The following FBXW4 variants were observed in gnomAD, a reference collection of about 807,000 sequenced individuals.
FBXW4 encodes the protein F-box and WD repeat domain containing 4.
A neutral mutation model predicts 61.8 loss-of-function variants in FBXW4; 40 were observed. That is an observed-to-expected ratio of 0.65 (90% CI 0.50 to 0.84). The LOEUF (loss-of-function observed/expected upper bound fraction) is 0.84. Ranked by LOEUF, FBXW4 falls within the 40% of genes least tolerant of loss-of-function variation. The pLI is 0.00. For synonymous variants in FBXW4, 311 were observed against 313.8 expected, an observed-to-expected ratio of 0.99 and a Z score of 0.10; for missense variants, 672 against 753.8, an observed-to-expected ratio of 0.89 and a Z score of 1.27.
rs2063780914 is a variant in FBXW4 at position 101,611,325 on chromosome 10, T to TAAGA, written c.1666_1669dup (p.Tyr557PhefsTer94). 5 of 1,613,940 alleles carry TAAGA rather than the reference T, an allele frequency of 3.1e-6. No individual in the cohort carries two copies. Among genetic ancestry groups the TAAGA allele is most frequent in the Non-Finnish European group, 4.2e-6 (5 of 1,180,008 alleles). ...TTGAAAATCCAGGACGTGGAGGTTG[T>TAAGA]AAGACAGGGCAGCATAGAGATGCTT... On this transcript the variant is annotated frameshift_variant, in exon 9 of 9. Transcript: ENST00000331272. LOFTEE classifies it high-confidence loss of function. This position sits in a 1 kb window ranked among gnomAD's most constrained non-coding sequence, Gnocchi z 4.9.
At chr10:101,677,593 T>C (rs182916740) in intron 1 of FBXW4, among the ~76,000 whole-genome samples, 145 of 152,172 alleles carry the variant, frequency 9.5e-4, no homozygotes, top group African/African-American at 3.4e-3. Context: ...TTGAGGGGGT[T>C]TGGGTTATAC....
At chr10:101,695,241 T>A, upstream of FBXW4, 1 of 970,316 alleles carries the variant, frequency 1.0e-6, no homozygotes, top group Non-Finnish European at 1.2e-6. This position sits in a 1 kb window ranked among gnomAD's most constrained non-coding sequence, Gnocchi z 4.2. Flanking sequence ...CCCTCACACC[T>A]GCAGCCTTGG....
At chr10:101,641,911 A>C (rs2134846097) in intron 5 of FBXW4, among the ~76,000 whole-genome samples, 1 of 152,326 alleles carries the variant, frequency 6.6e-6, no homozygotes, top group South Asian at 2.1e-4. Context: ...TCACACTAGT[A>C]ATCTCAGCAC....
chr10:101,666,394 G>A (rs564836156), intron 5 of FBXW4, among the ~76,000 whole-genome samples: 5 of 152,206 alleles, frequency 3.3e-5, no homozygotes, highest in African/African-American at 9.6e-5. Context: ...AATTAATGAC[G>A]TGGCTAATCG....
At chr10:101,633,823 A>C (rs1192391639) in intron 5 of FBXW4, among the ~76,000 whole-genome samples, 1 of 152,188 alleles carries the variant, frequency 6.6e-6, no homozygotes, top group Non-Finnish European at 1.5e-5. Flanking sequence ...TGTAATTAAA[A>C]ATCCAGGCTG....
At chr10:101,675,383 G>C (rs1389163814) in intron 2 of FBXW4, among the ~76,000 whole-genome samples, 2 of 152,162 alleles carry the variant, frequency 1.3e-5, no homozygotes, top group Non-Finnish European at 2.9e-5. Context: ...GAGAATCCCA[G>C]GGCAGCCTGG....
At chr10:101,638,930 T>A (rs1400714301) in intron 5 of FBXW4, among the ~76,000 whole-genome samples, 1 of 152,158 alleles carries the variant, frequency 6.6e-6, no homozygotes, top group Non-Finnish European at 1.5e-5. Context: ...ATGCTATGCG[T>A]CATGAATTAT....
At position 101,612,348 on chromosome 10, in the gene FBXW4, G is replaced by A. The variant is rs867841082; in HGVS notation, c.1431C>T (p.Arg477=). The change falls in exon 7 of 9, where the codon CGC becomes CGT. Residue 477 remains arginine (R), a synonymous_variant. Coordinates refer to ENST00000331272, the MANE Select transcript of FBXW4 (RefSeq NM_022039.4). ...YDTYVRYWDL[R]TSVRKCVMEW... is the part of the protein sequence containing the mutation. ...CCCAGCACACTCACCGGACGCTGGT[G>A]CGGAGGTCCCAGTAGCGAACATAGG... 13 of 1,574,980 alleles carry A rather than the reference G, an allele frequency of 8.3e-6. No homozygotes were observed. The highest frequency in any genetic ancestry group is 6.8e-5 in the African/African-American group (5 of 73,854).
chr10:101,638,586 T>G (rs2064024202), intron 5 of FBXW4, among the ~76,000 whole-genome samples: 1 of 152,102 alleles, frequency 6.6e-6, no homozygotes, highest in African/African-American at 2.4e-5. Flanking sequence ...GTTTGAATTT[T>G]TACAATTAGA....
chr10:101,669,729 C>T lies in FBXW4; in HGVS notation c.1141-1749G>A, dbSNP rs115683381. ...TCCATGGCCAAATTCAAAACAGATCCATCCCTGGAAAAGATTCAGTGGGAG... is the reference window on the plus strand; with the variant it reads ...TCCATGGCCAAATTCAAAACAGATCTATCCCTGGAAAAGATTCAGTGGGAG... On this transcript the variant is annotated intron_variant, in intron 4 of 8. Coordinates refer to ENST00000331272, the MANE Select transcript of FBXW4 (RefSeq NM_022039.4). Among the ~76,000 whole-genome samples, 178 of 151,298 alleles carry T rather than the reference C, an allele frequency of 1.2e-3. 1 individual carries two copies. Among genetic ancestry groups the T allele is most frequent in the African/African-American group, 4.0e-3 (166 of 41,226 alleles).
chr10:101,654,944 C>T (rs956078248), intron 5 of FBXW4, among the ~76,000 whole-genome samples: 1 of 152,232 alleles, frequency 6.6e-6, no homozygotes, highest in African/African-American at 2.4e-5. Flanking sequence ...CCACCTCAGC[C>T]TCTTGAGTAG....
intron 1 of FBXW4, among the ~76,000 whole-genome samples, chr10:101,691,560 ACTTT>A (rs1460748596): frequency 6.6e-6 from 1 of 152,162 alleles, no homozygotes; most frequent in Non-Finnish European, 1.5e-5. Flanking sequence ...CCATAAATTC[ACTTT>A]CTTTTTTTTT....
At chr10:101,628,679 A>G (rs2063926199) in intron 5 of FBXW4, among the ~76,000 whole-genome samples, 1 of 152,214 alleles carries the variant, frequency 6.6e-6, no homozygotes, top group African/African-American at 2.4e-5. Flanking sequence ...GTATCAGGAG[A>G]GTGAGAAGTC....
intron 4 of FBXW4, among the ~76,000 whole-genome samples, chr10:101,671,311 G>A (rs2064356568): frequency 6.6e-6 from 1 of 152,210 alleles, no homozygotes; most frequent in African/African-American, 2.4e-5. Context: ...AGAGAATTCT[G>A]TCACTGACCT....
chr10:101,654,993 T>G (rs949190650), intron 5 of FBXW4, among the ~76,000 whole-genome samples: 3 of 152,128 alleles, frequency 2.0e-5, no homozygotes, highest in Admixed American at 2.0e-4. Flanking sequence ...CTGGCTAATT[T>G]TGTTTTTAGA....
At chr10:101,678,603 T>C (rs1443176916) in intron 1 of FBXW4, among the ~76,000 whole-genome samples, 3 of 152,140 alleles carry the variant, frequency 2.0e-5, no homozygotes, top group African/African-American at 7.2e-5. Flanking sequence ...TTTTTTTTAC[T>C]GTTTTTAGTA....
chr10:101,624,398 T>C (rs1232809086), intron 6 of FBXW4, among the ~76,000 whole-genome samples: 3 of 152,254 alleles, frequency 2.0e-5, no homozygotes, highest in African/African-American at 7.2e-5. Flanking sequence ...TATAGGTCCG[T>C]AGGCCACCTT....
intron 5 of FBXW4, among the ~76,000 whole-genome samples, chr10:101,666,334 G>A (rs921080504): frequency 3.3e-5 from 5 of 152,124 alleles, no homozygotes; most frequent in Non-Finnish European, 5.9e-5. Context: ...TCCATTCTCC[G>A]GGGTCAGCAA....
At chr10:101,670,380 T>G (rs2064348011) in intron 4 of FBXW4, among the ~76,000 whole-genome samples, 1 of 152,222 alleles carries the variant, frequency 6.6e-6, no homozygotes, top group African/African-American at 2.4e-5. Flanking sequence ...AGGGTTATAG[T>G]GTGGAAAAGT....
Sources: gnomAD v4.1 joint callset for allele counts (sites outside exome capture counted in the v4.1 genomes callset) on GRCh38, gnomAD v4.1.1 for gene constraint, Gnocchi (gnomAD v3.1) non-coding constraint, MANE v1.5 for transcripts, NCBI Gene and HGNC (gene_info 2026-07-23, HGNC 2026-07-21) for gene names.